DEAF1: variants seen among roughly 807,000 people sequenced by gnomAD.
DEAF1 encodes the protein deformed epidermal autoregulatory factor 1 homolog.
Under a neutral mutation model 58.9 loss-of-function variants are expected in DEAF1, and 53 were observed. The observed-to-expected ratio is 0.90, with a 90% CI of 0.72 to 1.13. The LOEUF (loss-of-function observed/expected upper bound fraction) is 1.13. Among genes scored for constraint, DEAF1 ranks in the 50% most tolerant of loss-of-function variants. The pLI, the probability that DEAF1 is intolerant of heterozygous loss-of-function variation, is 0.00. For missense variants in DEAF1, 685 were observed against 791.4 expected (o/e 0.87, Z 1.61); for synonymous variants, 385 against 340.4 (o/e 1.13, Z -1.44).
In DEAF1 at chr11:695,129, G is replaced by A. The variant is rs952390691; in HGVS notation, c.-82C>T. The A allele has an allele frequency of 1.6e-5, 21 of 1,277,180 alleles. No homozygotes were observed. The highest frequency in any genetic ancestry group is 1.8e-5 in the Non-Finnish European group (18 of 986,874). 79.1% of individuals were successfully genotyped at this position (1,277,180 alleles called of 1,614,324 possible). A position where few individuals can be genotyped will look rare whatever the true frequency, so the allele number is the denominator to read the frequency against. On this transcript the variant is annotated 5_prime_UTR_variant, in exon 1 of 12. Transcript: ENST00000382409. ...CGCGGAGCCCGAAGCGGGGCCCGAA[G>A]AGGACGCCCGAGCTGGGCCGAGGCC...
intron 5 of DEAF1, 23 bp from the exon 6 acceptor site, chr11:684,986 A>G (rs1403454471): frequency 1.3e-6 from 2 of 1,547,448 alleles, no homozygotes; most frequent in African/African-American, 1.4e-5. Context: ...AAGAACCACC[A>G]TGCATTAGCA....
chr11:703,910 C>T (rs1861611381), intron 1 of DEAF1: 31 of 1,242,242 alleles, frequency 2.5e-5, no homozygotes, highest in East Asian at 3.1e-5. Context: ...CAGCTTTTGC[C>T]TTTTGCACGG....
chr11:657,458 CAT>C (rs1295154171), intron 10 of DEAF1, among the ~76,000 whole-genome samples: 2 of 152,198 alleles, frequency 1.3e-5, no homozygotes, highest in African/African-American at 4.8e-5. Flanking sequence ...GTTTAAAACA[CAT>C]ATAAAATGAG....
At chr11:697,022 G>T, upstream of DEAF1, among the ~76,000 whole-genome samples, 1 of 151,086 alleles carries the variant, frequency 6.6e-6, no homozygotes. Flanking sequence ...TGGTGGGGGG[G>T]GTGGGGTGCG....
chr11:651,436 TAAA>T, intron 11 of DEAF1: 2 of 306,080 alleles, frequency 6.5e-6, no homozygotes, highest in Non-Finnish European at 1.2e-5. Context: ...AAAAATTAAA[TAAA>T]AAATAAAAAA....
chr11:654,625 A>T (rs1486276521), intron 10 of DEAF1: 1 of 455,156 alleles, frequency 2.2e-6, no homozygotes, highest in Admixed American at 2.4e-5. Flanking sequence ...CTGTAATCCC[A>T]GGACTTTGGG....
At chr11:701,172 A>C in intron 1 of DEAF1, 1 of 187,266 alleles carries the variant, frequency 5.3e-6, no homozygotes, top group Non-Finnish European at 1.1e-5. Flanking sequence ...CAAGTCTGCA[A>C]CCCCTTCCAG....
intron 11 of DEAF1, chr11:646,642 A>C (rs983397558): frequency 6.6e-6 from 1 of 152,374 alleles, no homozygotes; most frequent in Non-Finnish European, 1.5e-5. Flanking sequence ...CAAAGAGGCA[A>C]AGGCCCAGGG....
chr11:695,399 C>A, upstream of DEAF1: 1 of 421,500 alleles, frequency 2.4e-6, no homozygotes, highest in Non-Finnish European at 4.1e-6. Flanking sequence ...AGACTCGGCC[C>A]CTGCTCTCCT....
chr11:661,236 C>T (rs141699650), intron 10 of DEAF1, among the ~76,000 whole-genome samples: 1 of 152,280 alleles, frequency 6.6e-6, no homozygotes, highest in African/African-American at 2.4e-5. Context: ...CCTGCAGCCA[C>T]TCGGCTGGCT....
At chr11:648,776 T>C (rs1858618724) in intron 11 of DEAF1, among the ~76,000 whole-genome samples, 1 of 151,982 alleles carries the variant, frequency 6.6e-6, no homozygotes, top group Admixed American at 6.6e-5. Context: ...AGTAAGAAAA[T>C]AACAACTTTA....
At chr11:682,000 A>T (rs1290000275) in intron 6 of DEAF1, among the ~76,000 whole-genome samples, 2 of 152,216 alleles carry the variant, frequency 1.3e-5, no homozygotes, top group Non-Finnish European at 2.9e-5. Context: ...AGTGGAAAGC[A>T]GTTCTCCTTT....
At chr11:700,251 G>T in intron 1 of DEAF1, 1 of 1,605,604 alleles carries the variant, frequency 6.2e-7, no homozygotes, top group South Asian at 1.1e-5. Flanking sequence ...TCAGGGACGG[G>T]CACAGTGGCT....
At chr11:694,297 G>A (rs1297307584) in intron 1 of DEAF1, 45 of 196,744 alleles carry the variant, frequency 2.3e-4, no homozygotes, top group African/African-American at 8.9e-4. Flanking sequence ...CAGGTGTGCG[G>A]GGCAGGTGTT....
upstream of DEAF1, chr11:695,917 C>T: frequency 1.7e-6 from 2 of 1,149,614 alleles, no homozygotes; most frequent in African/African-American, 3.2e-5. Context: ...GGTGACAATC[C>T]GGTTTCCGCT....
chr11:698,314 G>A (rs1431800341), upstream of DEAF1, among the ~76,000 whole-genome samples: 2 of 152,082 alleles, frequency 1.3e-5, no homozygotes, highest in African/African-American at 2.4e-5. Flanking sequence ...GGTGGGGGTG[G>A]GAGAAGGCCC....
intron 11 of DEAF1, among the ~76,000 whole-genome samples, chr11:652,586 C>T (rs1213812950): frequency 2.0e-5 from 3 of 151,262 alleles, no homozygotes; most frequent in African/African-American, 7.3e-5. Flanking sequence ...TGCAGTGAGC[C>T]GAGATCTTGC....
chr11:701,289 C>G (rs1337834036), intron 1 of DEAF1, among the ~76,000 whole-genome samples: 1 of 152,226 alleles, frequency 6.6e-6, no homozygotes, highest in African/African-American at 2.4e-5. Context: ...GAGCGATCCT[C>G]CTGCCTCAGC....
At chr11:660,680 C>T (rs971241649) in intron 10 of DEAF1, among the ~76,000 whole-genome samples, 6 of 152,246 alleles carry the variant, frequency 3.9e-5, no homozygotes, top group Admixed American at 6.5e-5. Flanking sequence ...TGGTCCAGTC[C>T]GGCTCTGGAA....
Sources: gnomAD v4.1 joint callset for allele counts (sites outside exome capture counted in the v4.1 genomes callset) on GRCh38, gnomAD v4.1.1 for gene constraint, MANE v1.5 for transcripts, NCBI Gene and HGNC (gene_info 2026-07-23, HGNC 2026-07-21) for gene names.